DISC1: variants seen among roughly 807,000 people sequenced by gnomAD.
DISC1 encodes the protein disrupted in schizophrenia 1 protein.
In DISC1, 57 loss-of-function variants were observed where a neutral mutation model predicts 84.5. The observed-to-expected ratio is 0.67, with a 90% CI of 0.55 to 0.84. The LOEUF (loss-of-function observed/expected upper bound fraction) is 0.84. Ranked by LOEUF, DISC1 falls within the 40% of genes least tolerant of loss-of-function variation. The probability of loss-of-function intolerance (pLI) is 0.00; values close to 1 mark genes in which losing one functional copy is unlikely to be tolerated. For missense variants in DISC1, 1,000 were observed against 1,057.8 expected, an observed-to-expected ratio of 0.95 and a Z score of 0.76; for synonymous variants, 411 against 415.2, an observed-to-expected ratio of 0.99 and a Z score of 0.12.
At chr1:231,885,860 T>A (rs573795596) in intron 9 of DISC1, among the ~76,000 whole-genome samples, 75 of 152,288 alleles carry the variant, frequency 4.9e-4, no homozygotes, top group African/African-American at 1.7e-3. Context: ...TGATTCCCAC[T>A]CAGTTGTCCT....
intron 3 of DISC1, among the ~76,000 whole-genome samples, chr1:231,748,753 G>A (rs1331374150): frequency 6.6e-6 from 1 of 152,180 alleles, no homozygotes; most frequent in African/African-American, 2.4e-5. Context: ...TGTAGAATGA[G>A]TTAGGAGGAA....
At chr1:231,959,031 C>T in intron 10 of DISC1, 143 bp downstream of exon 10, 1 of 1,430,770 alleles carries the variant, frequency 7.0e-7, no homozygotes, top group Non-Finnish European at 9.1e-7. Flanking sequence ...CCTTTTGAAC[C>T]CCATCAGTGA....
At chr1:231,876,201 C>T (rs1415951790) in intron 9 of DISC1, among the ~76,000 whole-genome samples, 1 of 152,146 alleles carries the variant, frequency 6.6e-6, no homozygotes, top group Non-Finnish European at 1.5e-5. Context: ...GCACTATCCC[C>T]CGCATTGTAC....
intron 10 of DISC1, among the ~76,000 whole-genome samples, chr1:231,975,148 G>T (rs1185122600): frequency 6.6e-6 from 1 of 151,912 alleles, no homozygotes; most frequent in East Asian, 1.9e-4. Flanking sequence ...AAAAAACAAA[G>T]AAATGTTTTA....
rs116130099 is a variant in DISC1, at chr1:231,725,034, G to A, written c.1117+23010G>A. Among the ~76,000 whole-genome samples the A allele has an allele frequency of 5.3e-3, 800 of 152,232 alleles. 4 individuals carry two copies. The highest frequency in any genetic ancestry group is 0.019 in the African/African-American group (773 of 41,540). On this transcript the variant is annotated intron_variant, in intron 3 of 12. Transcript: ENST00000439617. ...CACTGTCTGTTTCCAGGATCAGTGA[G>A]TCACTCCCTCGTGGCCTGTTATGGC...
chr1:231,778,737 A>G (rs201911892), intron 6 of DISC1, among the ~76,000 whole-genome samples: 11 of 152,212 alleles, frequency 7.2e-5, no homozygotes, highest in Non-Finnish European at 1.3e-4. Flanking sequence ...GGCTGGGTAC[A>G]GATGCTGCTC....
intron 10 of DISC1, among the ~76,000 whole-genome samples, chr1:232,002,279 A>G (rs1042992132): frequency 2.0e-5 from 3 of 152,198 alleles, no homozygotes; most frequent in African/African-American, 7.2e-5. Flanking sequence ...TTTTGATAAG[A>G]ATGCAAATGG....
intron 9 of DISC1, among the ~76,000 whole-genome samples, chr1:231,920,692 C>A (rs371509293): frequency 1.6e-4 from 24 of 152,272 alleles, no homozygotes; most frequent in African/African-American, 5.5e-4. Flanking sequence ...GGTTGCTTCC[C>A]GCATTTGGCT....
chr1:231,795,645 T>C (rs2078701665), intron 7 of DISC1, among the ~76,000 whole-genome samples: 1 of 152,206 alleles, frequency 6.6e-6, no homozygotes, highest in Non-Finnish European at 1.5e-5. Flanking sequence ...TCCCAGCACT[T>C]TGGGAGGCCG....
At position 232,005,065 on chromosome 1, in the gene DISC1, T is replaced by C. The variant is rs1415978098; in HGVS notation, c.2043-3720T>C. On this transcript the variant is annotated intron_variant, in intron 10 of 12. Transcript: ENST00000439617. ...CCATCCTTCCTTCCTTCCTTCCCTC[T>C]CTCCCTCCCTCCCTCCCTCCTCCCT... Among the ~76,000 whole-genome samples, 185 of 88,176 alleles carry C rather than the reference T, an allele frequency of 2.1e-3. 4 individuals carry two copies. Among genetic ancestry groups the C allele is most frequent in the African/African-American group, 7.7e-3 (171 of 22,336 alleles). The allele number at this position is 88,176 out of a possible 152,430, so 57.8% of individuals were successfully genotyped here.
chr1:231,755,468 T>C (rs1268371918), intron 4 of DISC1, among the ~76,000 whole-genome samples: 1 of 152,170 alleles, frequency 6.6e-6, no homozygotes, highest in African/African-American at 2.4e-5. Flanking sequence ...TACTATTTTT[T>C]CCCAAATTTC....
intron 3 of DISC1, among the ~76,000 whole-genome samples, chr1:231,743,246 C>G (rs2073546993): frequency 6.6e-6 from 1 of 152,150 alleles, no homozygotes; most frequent in South Asian, 2.1e-4. Flanking sequence ...ATACAAAATG[C>G]CAGGCATGAT....
chr1:231,684,162 G>A (rs1240315861), intron 1 of DISC1, among the ~76,000 whole-genome samples: 3 of 151,898 alleles, frequency 2.0e-5, no homozygotes, highest in Admixed American at 2.0e-4. Context: ...ATGGGGTTTT[G>A]CTAACTTGCC....
chr1:231,712,496 C>G (rs201005131), intron 3 of DISC1, among the ~76,000 whole-genome samples: 2 of 152,136 alleles, frequency 1.3e-5, no homozygotes, highest in Admixed American at 1.3e-4. Context: ...TTTAAGCAAC[C>G]AAGCAAACAC....
chr1:231,831,060 C>T (rs1284037622), intron 9 of DISC1, among the ~76,000 whole-genome samples: 1 of 152,222 alleles, frequency 6.6e-6, no homozygotes, highest in African/African-American at 2.4e-5. Context: ...GTGGCCTTCT[C>T]GGACCCTGTA....
intron 1 of DISC1, among the ~76,000 whole-genome samples, chr1:231,662,183 G>A (rs568644993): frequency 5.3e-5 from 8 of 152,310 alleles, no homozygotes; most frequent in African/African-American, 1.4e-4. Flanking sequence ...TGTAAGAGGT[G>A]GCTGGAGACC....
intron 1 of DISC1, among the ~76,000 whole-genome samples, chr1:231,672,100 A>T (rs553908066): frequency 6.6e-6 from 1 of 152,316 alleles, no homozygotes; most frequent in East Asian, 1.9e-4. Flanking sequence ...TTAGAATTGC[A>T]TCCAGAATAT....
chr1:232,025,660 A>C (rs562430851), intron 11 of DISC1, among the ~76,000 whole-genome samples: 3 of 136,796 alleles, frequency 2.2e-5, no homozygotes, highest in African/African-American at 5.6e-5. Flanking sequence ...GCAGTGGTGC[A>C]ATCTCGGCTC....
intron 6 of DISC1, among the ~76,000 whole-genome samples, chr1:231,794,731 CAGG>C (rs1202541425): frequency 6.6e-6 from 1 of 151,734 alleles, no homozygotes; most frequent in Non-Finnish European, 1.5e-5. Flanking sequence ...AAAAGAGAAG[CAGG>C]AGAAGGCTAA....
Sources: allele counts gnomAD v4.1 joint callset (sites outside exome capture counted in the v4.1 genomes callset), GRCh38; gene constraint gnomAD v4.1.1; transcripts MANE v1.5; gene names NCBI Gene and HGNC (gene_info 2026-07-23, HGNC 2026-07-21).